Variants in LARS2 observed in about 807,000 individuals in gnomAD.
LARS2 encodes the protein leucyl-tRNA synthetase 2, mitochondrial, also known as leucine--tRNA ligase, mitochondrial.
A neutral mutation model predicts 116.6 loss-of-function variants in LARS2; 81 were observed. That is an observed-to-expected ratio of 0.69 (90% CI 0.58 to 0.84). LARS2 has a LOEUF of 0.84. LARS2 is among the 40% of genes least tolerant of loss of function. The pLI, the probability that LARS2 is intolerant of heterozygous loss-of-function variation, is 0.00. For synonymous variants in LARS2, 396 were observed against 407.2 expected (o/e 0.97, Z 0.33); for missense variants, 968 against 1,114.5 (o/e 0.87, Z 1.87).
Position 45,427,380 on chromosome 3 carries a change from T to G in LARS2, c.516+7651T>G, listed in dbSNP as rs145180607. ...CAGATCTCTGGCCCCATCCTCAGTT[T>G]CTGAATGTGTAGGTCTGTGATTTTG... On this transcript the variant is annotated intron_variant, in intron 6 of 21. Coordinates refer to ENST00000645846, the MANE Select transcript of LARS2 (RefSeq NM_015340.4). Among the ~76,000 whole-genome samples, 31 of 152,344 alleles carry G rather than the reference T, an allele frequency of 2.0e-4. No individual in the cohort carries two copies. The East Asian group carries it at 6.0e-3, about 29-fold the overall frequency.
intron 4 of LARS2, among the ~76,000 whole-genome samples, chr3:45,405,673 G>A (rs9819693): frequency 0.022 from 3,332 of 152,182 alleles, 114 homozygotes; most frequent in African/African-American, 0.076. Flanking sequence ...AGTTCTTGGT[G>A]ATCAGGTTCA....
At chr3:45,412,014 A>G (rs1216082616) in intron 4 of LARS2, among the ~76,000 whole-genome samples, 2 of 152,176 alleles carry the variant, frequency 1.3e-5, no homozygotes, top group Non-Finnish European at 2.9e-5. Flanking sequence ...TGCAGAGGAC[A>G]TGATCTTGTT....
chr3:45,543,393 G>A (rs1475609568), intron 21 of LARS2, among the ~76,000 whole-genome samples: 1 of 151,800 alleles, frequency 6.6e-6, no homozygotes, highest in Non-Finnish European at 1.5e-5. Flanking sequence ...CAGTCCTCTT[G>A]CCTCAGCCTC....
At chr3:45,401,589 G>A (rs962545958) in intron 4 of LARS2, among the ~76,000 whole-genome samples, 2 of 152,066 alleles carry the variant, frequency 1.3e-5, no homozygotes, top group Non-Finnish European at 2.9e-5. Flanking sequence ...CTTGGCTGAT[G>A]TGGGCCATTC....
intron 8 of LARS2, among the ~76,000 whole-genome samples, chr3:45,465,479 C>A (rs186073210): frequency 6.6e-6 from 1 of 152,152 alleles, no homozygotes; most frequent in African/African-American, 2.4e-5. Flanking sequence ...GCACAGAGGC[C>A]ACAGAAAAGT....
At chr3:45,424,391 A>G (rs540234133) in intron 6 of LARS2, among the ~76,000 whole-genome samples, 2 of 152,370 alleles carry the variant, frequency 1.3e-5, no homozygotes, top group South Asian at 4.1e-4. Context: ...TGAATGTTGA[A>G]TATCTTATGT....
intron 19 of LARS2, among the ~76,000 whole-genome samples, chr3:45,522,534 CAACCTGCTCAACATGGTGA>C (rs1252993760): frequency 6.6e-6 from 1 of 152,208 alleles, no homozygotes; most frequent in East Asian, 1.9e-4. Context: ...AGTTCAACAC[CAACCTGCTCAACATGGTGA>C]AACCCTGTCT....
At chr3:45,513,466 C>T (rs1216737382) in intron 16 of LARS2, among the ~76,000 whole-genome samples, 1 of 152,236 alleles carries the variant, frequency 6.6e-6, no homozygotes, top group East Asian at 1.9e-4. Context: ...CAAAGTGCCA[C>T]CTCAGCTTCT....
chr3:45,467,976 C>T (rs1699455468), intron 8 of LARS2, among the ~76,000 whole-genome samples: 1 of 151,884 alleles, frequency 6.6e-6, no homozygotes. Context: ...TATGCACCTA[C>T]AGTCCCAGCT....
chr3:45,488,845 C>A, intron 12 of LARS2, 33 bp downstream of exon 12: 3 of 1,278,290 alleles, frequency 2.3e-6, no homozygotes, highest in South Asian at 2.4e-5. Flanking sequence ...CCAGAATGAT[C>A]ACCTTGATAC....
At chr3:45,500,069 T>C (rs1700093501) in intron 14 of LARS2, among the ~76,000 whole-genome samples, 1 of 152,236 alleles carries the variant, frequency 6.6e-6, no homozygotes, top group African/African-American at 2.4e-5. Flanking sequence ...TGGCACGATC[T>C]TGGCTCACTG....
intron 13 of LARS2, chr3:45,495,157 C>T (rs1699989734): frequency 6.6e-6 from 1 of 152,258 alleles, no homozygotes; most frequent in Admixed American, 6.5e-5. Flanking sequence ...ATTCCTTTTT[C>T]TATGCAACCC....
chr3:45,407,877 C>T (rs1243344866), intron 4 of LARS2, among the ~76,000 whole-genome samples: 2 of 152,198 alleles, frequency 1.3e-5, no homozygotes, highest in Non-Finnish European at 2.9e-5. Context: ...TCCTTCCCTT[C>T]CATCGCCAAA....
In LARS2 at chr3:45,390,887, G is replaced by A. The variant is rs367835290; in HGVS notation, c.-87-696G>A. Among the ~76,000 whole-genome samples the A allele has an allele frequency of 7.2e-5, 11 of 151,822 alleles. No individual in the cohort carries two copies. The East Asian group carries it at 1.2e-3, about 16-fold the overall frequency. On this transcript the variant is annotated intron_variant, in intron 1 of 21. Coordinates refer to ENST00000645846, the MANE Select transcript of LARS2 (RefSeq NM_015340.4). ...GATCTCCTGACCTTGTGATCCACCC[G>A]CCTCGGCCTCCCAAAATGCTGGGAT...
intron 15 of LARS2, among the ~76,000 whole-genome samples, chr3:45,501,941 A>G (rs905840967): frequency 2.0e-5 from 3 of 151,920 alleles, no homozygotes; most frequent in Non-Finnish European, 4.4e-5. Context: ...TTAATTTTTT[A>G]ATTTTTAATT....
At position 45,489,662 on chromosome 3, in the gene LARS2, T is replaced by C. The variant is rs989741907; in HGVS notation, c.1239+850T>C. Among the ~76,000 whole-genome samples, 6 of 152,306 alleles carry C rather than the reference T, an allele frequency of 3.9e-5. No homozygotes were observed. The South Asian group carries it at 1.2e-3, about 32-fold the overall frequency. ...CTAGTCTAATAAGATCCCTATATGA[T>C]TTGTATGCACATTAGAAGTTTGAGA... On this transcript the variant is annotated intron_variant, in intron 12 of 21. Coordinates refer to ENST00000645846, the MANE Select transcript of LARS2 (RefSeq NM_015340.4).
chr3:45,415,773 GGGAGGT>G (rs1698403090), intron 4 of LARS2, among the ~76,000 whole-genome samples: 1 of 149,608 alleles, frequency 6.7e-6, no homozygotes, highest in Non-Finnish European at 1.5e-5. Flanking sequence ...ACTTGAACCT[GGGAGGT>G]GGAGGTTACA....
rs1208918914 is a variant in LARS2 at position 45,548,145 on chromosome 3, C to G, written c.*615C>G. 6.6e-6 allele frequency: 1 copy of G among 152,324 alleles called. No homozygotes were observed. The highest frequency in any genetic ancestry group is 1.5e-5 in the Non-Finnish European group (1 of 68,102). The allele number at this position is 152,324 out of a possible 1,614,324, so 9.4% of individuals were successfully genotyped here. On this transcript the variant is annotated 3_prime_UTR_variant, in exon 22 of 22. Transcript: ENST00000645846. ...CAAAAGGCAGGCAGTGCTGGTTCCT[C>G]TGCCTGTGTCCCCACCACTCCCCAG...
Position 45,500,311 on chromosome 3 carries a change from A to G in LARS2, c.1623-131A>G, listed in dbSNP as rs540928387. On this transcript the variant is annotated intron_variant, in intron 14 of 21. Transcript: ENST00000645846. ...GCCACCGCGCCCGGCCTTCTCTTAT[A>G]TTTTAAAAAAATCATTGTTATTCCC... 17 of 992,866 alleles carry G rather than the reference A, an allele frequency of 1.7e-5. No individual in the cohort carries two copies. The African/African-American group carries it at 2.3e-4, about 13-fold the overall frequency. 61.5% of individuals were successfully genotyped at this position (992,866 alleles called of 1,614,324 possible).
Sources: allele counts gnomAD v4.1 joint callset (sites outside exome capture counted in the v4.1 genomes callset), GRCh38; gene constraint gnomAD v4.1.1; transcripts MANE v1.5; gene names NCBI Gene and HGNC (gene_info 2026-07-23, HGNC 2026-07-21).